Variants in ANK2 observed in about 807,000 individuals in gnomAD.
ANK2 encodes the protein ankyrin-2.
ANK2 carries 83 observed loss-of-function variants against 360.5 expected under a neutral mutation model. The observed-to-expected ratio is 0.23, with a 90% CI of 0.19 to 0.28. The LOEUF (loss-of-function observed/expected upper bound fraction) is 0.28, where lower values mean the gene tolerates loss of function less well. Ranked by LOEUF, ANK2 falls within the 10% of genes least tolerant of loss-of-function variation. The probability of loss-of-function intolerance (pLI) is 1.00; values close to 1 mark genes in which losing one functional copy is unlikely to be tolerated. For synonymous variants in ANK2, 1,740 were observed against 1,759.5 expected, an observed-to-expected ratio of 0.99 and a Z score of 0.28; for missense variants, 4,201 against 4,795.7, an observed-to-expected ratio of 0.88 and a Z score of 3.66.
In ANK2 at chr4:113,373,061, A is replaced by G. The variant is rs1554596579; in HGVS notation, c.11611-29A>G. 2.5e-6 allele frequency: 4 copies of G among 1,591,530 alleles called. No individual in the cohort carries two copies. The Admixed American group carries it at 5.0e-5, about 20-fold the overall frequency. On this transcript the variant is annotated intron_variant, in intron 43 of 45. Transcript: ENST00000357077. The stretch of plus-strand genomic sequence containing the variant: ...TTCCTCAGAATTGGTGCCAAACACC[A>G]CAGTGACCCTTTTCTCTCAACTGTT...
intron 2 of ANK2, among the ~76,000 whole-genome samples, chr4:113,044,587 G>A (rs750055510): frequency 5.9e-5 from 9 of 152,230 alleles, no homozygotes; most frequent in South Asian, 2.1e-4. Context: ...GCAAAACCAC[G>A]GAGTCTTCAG....
the ANK2 span, among the ~76,000 whole-genome samples, chr4:112,718,365 A>G: frequency 2.6e-5 from 4 of 152,216 alleles, no homozygotes; most frequent in Non-Finnish European, 5.9e-5. Context: ...CCCAAGCTGG[A>G]GTGCAGTGAT....
chr4:113,240,686 C>T, intron 8 of ANK2, 103 bp downstream of exon 8: 1 of 1,022,848 alleles, frequency 9.8e-7, no homozygotes, highest in South Asian at 1.3e-5. Context: ...ACTTCTTTTT[C>T]CTTACCTGGG....
At position 112,909,996 on chromosome 4, in the gene ANK2, T is replaced by A. The variant is rs115408755; in HGVS notation, c.21+5482T>A. Among the ~76,000 whole-genome samples the A allele has an allele frequency of 3.2e-3, 491 of 152,246 alleles. 3 individuals carry two copies. Among genetic ancestry groups the A allele is most frequent in the African/African-American group, 0.011 (467 of 41,566 alleles). On this transcript the variant is annotated intron_variant, in intron 2 of 30. Coordinates refer to the ANK2 transcript ENST00000503271. ...TAAGGTTACAACAGTAAAATTTGTG[T>A]TAATTATTATTAACCATATTCTTTA...
the ANK2 span, among the ~76,000 whole-genome samples, chr4:112,795,029 T>A: frequency 6.6e-6 from 1 of 152,220 alleles, no homozygotes; most frequent in Non-Finnish European, 1.5e-5. Context: ...TGGTACATGC[T>A]GCATAATTTT....
chr4:112,742,562 G>A, the ANK2 span, among the ~76,000 whole-genome samples: 7 of 152,076 alleles, frequency 4.6e-5, no homozygotes, highest in African/African-American at 1.7e-4. Flanking sequence ...ATCCATAATA[G>A]ATTTGCAAAT....
chr4:112,788,181 G>C, the ANK2 span: 1 of 1,586,044 alleles, frequency 6.3e-7, no homozygotes, highest in African/African-American at 1.3e-5. Context: ...CCCCAGTGAC[G>C]GCAGATCTCA....
intron 10 of ANK2, among the ~76,000 whole-genome samples, chr4:113,254,739 G>T (rs1348184071): frequency 6.6e-6 from 1 of 152,064 alleles, no homozygotes; most frequent in East Asian, 1.9e-4. Flanking sequence ...CACCTTCCTT[G>T]TTGAGAATAT....
chr4:113,229,482 A>G (rs989572897), intron 4 of ANK2, among the ~76,000 whole-genome samples: 2 of 152,192 alleles, frequency 1.3e-5, no homozygotes, highest in Admixed American at 6.5e-5. Flanking sequence ...TCACATCTAC[A>G]GAGTTCCTTT....
rs1256886603 is a variant in ANK2, at chr4:113,354,312, A to G, written c.5694A>G (p.Thr1898=). 3 of 1,614,080 alleles carry G rather than the reference A, an allele frequency of 1.9e-6. No individual in the cohort carries two copies. The highest frequency in any genetic ancestry group is 2.5e-6 in the Non-Finnish European group (3 of 1,180,014). Residue 1898 remains threonine (T), a synonymous_variant, in exon 38 of 46, where the codon ACA becomes ACG. Coordinates refer to ENST00000357077, the MANE Select transcript of ANK2 (RefSeq NM_001148.6). ...ACTCTCCTGTGTCATCTACAAAAAC[A>G]GAAAGACACCCACCTGTTTCGCCTT... The part of the protein sequence containing the change: ...ERHSPVSSTK[T]ERHPPVSPSG...
chr4:112,962,677 C>A (rs555669360), intron 2 of ANK2, among the ~76,000 whole-genome samples: 1 of 152,230 alleles, frequency 6.6e-6, no homozygotes, highest in East Asian at 1.9e-4. Flanking sequence ...CATAAGTGTT[C>A]AATGGGAATT....
chr4:112,921,495 C>T lies in ANK2; in HGVS notation c.21+16981C>T, dbSNP rs559388236. Among the ~76,000 whole-genome samples, 3 of 150,582 alleles carry T rather than the reference C, an allele frequency of 2.0e-5. No individual in the cohort carries two copies. The East Asian group carries it at 5.9e-4, about 30-fold the overall frequency. ...TATTTTTTAAAGAGATGGGGTCTTGCCATATTGCCCAGGCTGGAGTGCAGT... is the reference window on the plus strand; with the variant it reads ...TATTTTTTAAAGAGATGGGGTCTTGTCATATTGCCCAGGCTGGAGTGCAGT... On this transcript the variant is annotated intron_variant, in intron 2 of 30. Coordinates refer to the ANK2 transcript ENST00000503271.
At chr4:113,297,221 T>C (rs1431324963) in intron 22 of ANK2, among the ~76,000 whole-genome samples, 3 of 152,148 alleles carry the variant, frequency 2.0e-5, no homozygotes, top group Non-Finnish European at 4.4e-5. Context: ...GAAGTGGATT[T>C]GGAATGTCCC....
chr4:113,272,637 A>C (rs995514801), intron 14 of ANK2, among the ~76,000 whole-genome samples: 1 of 152,152 alleles, frequency 6.6e-6, no homozygotes, highest in Non-Finnish European at 1.5e-5. Context: ...TTTTTTAAAG[A>C]AGAACATTAA....
At chr4:112,950,338 T>C (rs911805392) in intron 2 of ANK2, among the ~76,000 whole-genome samples, 1 of 152,174 alleles carries the variant, frequency 6.6e-6, no homozygotes, top group Non-Finnish European at 1.5e-5. Context: ...ATTTTCCTAT[T>C]GTATTAAGAA....
chr4:113,053,903 C>G (rs1330733748), intron 1 of ANK2, among the ~76,000 whole-genome samples: 1 of 152,170 alleles, frequency 6.6e-6, no homozygotes, highest in African/African-American at 2.4e-5. Flanking sequence ...TTCCACTATT[C>G]CACTATTTTG....
chr4:112,998,514 A>G (rs1401854676), intron 2 of ANK2, among the ~76,000 whole-genome samples: 1 of 152,202 alleles, frequency 6.6e-6, no homozygotes, highest in Admixed American at 6.5e-5. Context: ...GAGCCTAGTT[A>G]GAGTTGGTGC....
the ANK2 span, among the ~76,000 whole-genome samples, chr4:112,748,796 T>C: frequency 1.3e-5 from 2 of 152,232 alleles, no homozygotes; most frequent in African/African-American, 4.8e-5. Context: ...ATGCTTTGAA[T>C]TATTGGAAAC....
At chr4:112,833,631 G>A (rs1423152223) in intron 1 of ANK2, among the ~76,000 whole-genome samples, 2 of 151,882 alleles carry the variant, frequency 1.3e-5, no homozygotes, top group Non-Finnish European at 2.9e-5. Context: ...AGCCTCCCCA[G>A]TACCTGGGAC....
Sources: allele counts gnomAD v4.1 joint callset (sites outside exome capture counted in the v4.1 genomes callset), GRCh38; gene constraint gnomAD v4.1.1; transcripts MANE v1.5; gene names NCBI Gene and HGNC (gene_info 2026-07-23, HGNC 2026-07-21).